The following CDC42BPA variants were observed in gnomAD, a reference collection of about 807,000 sequenced individuals.
CDC42BPA encodes serine/threonine-protein kinase MRCK alpha.
CDC42BPA carries 80 observed loss-of-function variants against 223.5 expected under a neutral mutation model. That is an observed-to-expected ratio of 0.36 (90% CI 0.30 to 0.43). The LOEUF is 0.43. Among genes scored for constraint, CDC42BPA ranks in the 20% least tolerant of loss-of-function variants. The pLI is 1.00. For missense variants in CDC42BPA, 1,743 were observed against 2,099.9 expected (o/e 0.83, Z 3.32); for synonymous variants, 694 against 718.6 (o/e 0.97, Z 0.55).
At chr1:227,262,063 A>C (rs1227351706) in intron 1 of CDC42BPA, among the ~76,000 whole-genome samples, 1 of 152,164 alleles carries the variant, frequency 6.6e-6, no homozygotes, top group Admixed American at 6.5e-5. Context: ...AAATTAAACT[A>C]AATGAGGAAA....
At position 227,296,687 on chromosome 1, in the gene CDC42BPA, CAGAG is replaced by C. The variant is rs113195533; in HGVS notation, c.178+20314_178+20317del. Among the ~76,000 whole-genome samples the C allele has an allele frequency of 2.5e-5, 3 of 122,394 alleles. No individual in the cohort carries two copies. In the East Asian group the frequency reaches 7.2e-4, roughly 29 times the overall value. 80.3% of individuals were successfully genotyped at this position (122,394 alleles called of 152,430 possible). On this transcript the variant is annotated intron_variant, in intron 1 of 36. Coordinates refer to ENST00000366766, the MANE Select transcript of CDC42BPA (RefSeq NM_001394014.1). ...TGCCACTGCACTCCAGCCTGGGAAA[CAGAG>C]AGAGACTCTCCCCACATCAAAAAAA...
intron 5 of CDC42BPA, among the ~76,000 whole-genome samples, chr1:227,165,484 T>G (rs1028565239): frequency 1.3e-5 from 2 of 152,164 alleles, no homozygotes; most frequent in African/African-American, 4.8e-5. Context: ...AAAACAAATT[T>G]GAGCCTATTA....
chr1:227,097,488 C>G (rs936176678), intron 15 of CDC42BPA, among the ~76,000 whole-genome samples: 2 of 152,104 alleles, frequency 1.3e-5, no homozygotes, highest in Non-Finnish European at 2.9e-5. Flanking sequence ...AGGAGGACAC[C>G]CCCAACCAGG....
chr1:227,315,703 G>A (rs1694257825), intron 1 of CDC42BPA, among the ~76,000 whole-genome samples: 1 of 151,986 alleles, frequency 6.6e-6, no homozygotes, highest in African/African-American at 2.4e-5. Context: ...CAGTACCAAA[G>A]CCAAAATTGT....
intron 10 of CDC42BPA, among the ~76,000 whole-genome samples, chr1:227,138,379 G>C (rs1476106376): frequency 6.6e-6 from 1 of 151,822 alleles, no homozygotes; most frequent in Non-Finnish European, 1.5e-5. Context: ...CTTCACTGAA[G>C]GCCTCATTCA....
intron 3 of CDC42BPA, among the ~76,000 whole-genome samples, chr1:227,208,714 T>C (rs945765279): frequency 2.0e-5 from 3 of 151,900 alleles, no homozygotes; most frequent in African/African-American, 7.3e-5. Context: ...CACTGATCTA[T>C]ATCTCTGTTT....
intron 10 of CDC42BPA, among the ~76,000 whole-genome samples, chr1:227,136,647 A>T (rs1658629456): frequency 6.6e-6 from 1 of 152,228 alleles, no homozygotes; most frequent in Non-Finnish European, 1.5e-5. Context: ...AAGCAGCCAG[A>T]AGGGAAAACA....
At chr1:227,290,061 T>C (rs181225120) in intron 1 of CDC42BPA, among the ~76,000 whole-genome samples, 2 of 152,134 alleles carry the variant, frequency 1.3e-5, no homozygotes, top group African/African-American at 4.8e-5. Flanking sequence ...CAAATATATA[T>C]ATTCAATGGC....
At chr1:227,107,726 G>A (rs1345845696) in intron 14 of CDC42BPA, among the ~76,000 whole-genome samples, 2 of 152,114 alleles carry the variant, frequency 1.3e-5, no homozygotes, top group Non-Finnish European at 2.9e-5. Flanking sequence ...GAGTGCAGGA[G>A]GGTCTGTCAG....
intron 1 of CDC42BPA, among the ~76,000 whole-genome samples, chr1:227,263,641 G>T (rs1558901362): frequency 2.0e-5 from 3 of 150,588 alleles, no homozygotes; most frequent in Non-Finnish European, 2.9e-5. Context: ...CAGTGTAATG[G>T]CATGATCTTG....
chr1:227,168,497 G>GTTTTTTTGTTTTTTTTTTTT (rs1665478978), intron 5 of CDC42BPA, among the ~76,000 whole-genome samples: 1 of 80,196 alleles, frequency 1.2e-5, no homozygotes, highest in Non-Finnish European at 2.4e-5. Context: ...CTTCCCTGGT[G>GTTTTTTTGTTTTTTTTTTTT]TTTTTTTTTT....
intron 1 of CDC42BPA, among the ~76,000 whole-genome samples, chr1:227,300,986 G>A (rs972098089): frequency 6.6e-6 from 1 of 152,208 alleles, no homozygotes; most frequent in Non-Finnish European, 1.5e-5. Context: ...TTAGTTTTAA[G>A]AAATAATAAT....
At chr1:227,213,797 T>G (rs1397399046) in intron 2 of CDC42BPA, among the ~76,000 whole-genome samples, 1 of 151,924 alleles carries the variant, frequency 6.6e-6, no homozygotes, top group Non-Finnish European at 1.5e-5. Context: ...CAATTAAAAC[T>G]AACGATTTTA....
intron 1 of CDC42BPA, among the ~76,000 whole-genome samples, chr1:227,257,165 G>T (rs1419320023): frequency 6.6e-6 from 1 of 152,052 alleles, no homozygotes; most frequent in Non-Finnish European, 1.5e-5. Context: ...TAGATTAAAG[G>T]TTACTAAGGG....
intron 2 of CDC42BPA, among the ~76,000 whole-genome samples, chr1:227,240,378 T>C (rs12755770): frequency 0.11 from 16,103 of 152,100 alleles, 1,157 homozygotes; most frequent in South Asian, 0.18. Flanking sequence ...CAGTGCATAC[T>C]CAATTACATC....
intron 23 of CDC42BPA, among the ~76,000 whole-genome samples, chr1:227,045,038 G>T (rs983253616): frequency 6.6e-6 from 1 of 152,132 alleles, no homozygotes; most frequent in Non-Finnish European, 1.5e-5. Context: ...CAACCCTGCT[G>T]AAGCCCTCTG....
intron 11 of CDC42BPA, among the ~76,000 whole-genome samples, chr1:227,125,615 A>G (rs2149480367): frequency 6.6e-6 from 1 of 151,378 alleles, no homozygotes; most frequent in East Asian, 1.9e-4. Context: ...AAAAAAAAAA[A>G]AAAAAAAGAG....
intron 22 of CDC42BPA, among the ~76,000 whole-genome samples, chr1:227,051,508 G>C (rs1278996415): frequency 6.6e-6 from 1 of 152,102 alleles, no homozygotes; most frequent in African/African-American, 2.4e-5. Context: ...GATGTAACAG[G>C]TTAGTTATAT....
intron 6 of CDC42BPA, among the ~76,000 whole-genome samples, chr1:227,156,300 A>G (rs1014333463): frequency 2.6e-5 from 4 of 151,922 alleles, no homozygotes; most frequent in Non-Finnish European, 5.9e-5. Context: ...CTATAGGTGC[A>G]TGCCACCATG....
Sources: allele counts gnomAD v4.1 joint callset (sites outside exome capture counted in the v4.1 genomes callset), GRCh38; gene constraint gnomAD v4.1.1; transcripts MANE v1.5; gene names NCBI Gene and HGNC (gene_info 2026-07-23, HGNC 2026-07-21).